SHC2: variants seen among roughly 807,000 people sequenced by gnomAD.
The protein encoded by SHC2 is SHC adaptor protein 2, also known as SHC-transforming protein 2.
A neutral mutation model predicts 60.6 loss-of-function variants in SHC2; 62 were observed. The observed-to-expected ratio is 1.02, with a 90% CI of 0.83 to 1.26. SHC2 has a LOEUF of 1.26. Ranked by LOEUF, SHC2 falls within the 50% of genes most tolerant of loss-of-function variation. The probability of loss-of-function intolerance (pLI) is 0.00; values close to 1 mark genes in which losing one functional copy is unlikely to be tolerated. For synonymous variants in SHC2, 375 were observed against 372.4 expected, an observed-to-expected ratio of 1.01 and a Z score of -0.08; for missense variants, 873 against 822.2, an observed-to-expected ratio of 1.06 and a Z score of -0.76.
intron 1 of SHC2, among the ~76,000 whole-genome samples, chr19:442,120 A>G (rs1378048942): frequency 6.6e-6 from 1 of 152,226 alleles, no homozygotes; most frequent in African/African-American, 2.4e-5. Context: ...GCACTTAAGC[A>G]GGGCATGGAC....
intron 8 of SHC2, 80 bp from the exon 9 acceptor site, chr19:430,827 G>A (rs1974568231): frequency 2.2e-6 from 3 of 1,349,788 alleles, no homozygotes; most frequent in Admixed American, 3.8e-5. Context: ...TCCCCGCCCG[G>A]CCCTCTTAGA....
chr19:460,521 G>T lies in SHC2; in HGVS notation c.468+8C>A. The T allele has an allele frequency of 8.3e-7, 1 of 1,205,018 alleles. No individual in the cohort carries two copies. Among genetic ancestry groups the T allele is most frequent in the African/African-American group, 1.7e-5 (1 of 60,274 alleles). 74.6% of individuals were successfully genotyped at this position (1,205,018 alleles called of 1,614,324 possible). ...AACGGGCTCCCGGGGGGGGTGGGGG[G>T]GACTCACCCGCACGACGTAGGAGAC... On this transcript the variant is annotated splice_region_variant and intron_variant, in intron 1 of 12. Coordinates refer to ENST00000264554, the MANE Select transcript of SHC2 (RefSeq NM_012435.3).
Position 436,449 on chromosome 19 carries a change from C to T in SHC2, c.775-18G>A. 3 of 1,602,066 alleles carry T rather than the reference C, an allele frequency of 1.9e-6. No homozygotes were observed. The highest frequency in any genetic ancestry group is 1.7e-5 in the Admixed American group (1 of 57,582). On this transcript the variant is annotated intron_variant, in intron 5 of 12. Coordinates refer to ENST00000264554, the MANE Select transcript of SHC2 (RefSeq NM_012435.3). ...GTCATGTCCTGGGGGCGGGGAGGGG[C>T]CAGCTGGACCTGCCTGGGCCCCCCA...
intron 1 of SHC2, among the ~76,000 whole-genome samples, chr19:443,890 GTGGGTGGATGGATGGA>G (rs1974982035): frequency 7.8e-6 from 1 of 128,690 alleles, no homozygotes; most frequent in Non-Finnish European, 1.6e-5. Context: ...AGGTGGATGG[GTGGGTGGATGGATGGA>G]TGGGTGGGTG....
rs375447695 is a variant in SHC2, at chr19:438,813, C to G, written c.625G>C (p.Val209Leu). The change falls in exon 4 of 13, where the codon GTC (valine) becomes CTC (leucine). Residue 209 changes from valine to leucine, a missense_variant. Val to Leu is a conservative substitution (Grantham distance 32). Coordinates refer to ENST00000264554, the MANE Select transcript of SHC2 (RefSeq NM_012435.3). This position sits in a 1 kb window ranked among gnomAD's most constrained non-coding sequence, Gnocchi z 5.0. ...AAGCGAAGGTTGCTCTTGCCCAGGA[C>G]GGACGCCAGGGCCTTGTTGGGGGCC... is the stretch of plus-strand genomic sequence containing the variant. ...KKAPNKALAS[V>L]LGKSNLRFAG... 10 of 1,572,204 alleles carry G rather than the reference C, an allele frequency of 6.4e-6. No individual in the cohort carries two copies. Among genetic ancestry groups the G allele is most frequent in the East Asian group, 2.4e-5 (1 of 42,420 alleles).
chr19:423,192 G>C (rs555068186), intron 10 of SHC2, among the ~76,000 whole-genome samples: 2,354 of 47,560 alleles, frequency 0.049, 94 homozygotes, highest in African/African-American at 0.27. Context: ...GGGTCCTCCC[G>C]CCCTGACCCT....
chr19:422,537 T>A lies in SHC2; in HGVS notation c.1310-81A>T, dbSNP rs564117328. On this transcript the variant is annotated intron_variant, in intron 10 of 12. Transcript: ENST00000264554. This position sits in a 1 kb window ranked among gnomAD's most constrained non-coding sequence, Gnocchi z 5.0. ...CGGGACCAGAGCTGGGAGAAACGGG[T>A]TCCCCGGGGAGTCCCTCGTGCACCC... 1.6e-6 allele frequency: 2 copies of A among 1,217,148 alleles called. No homozygotes were observed. The highest frequency in any genetic ancestry group is 3.2e-5 in the South Asian group (2 of 63,240). The allele number at this position is 1,217,148 out of a possible 1,614,324, so 75.4% of individuals were successfully genotyped here. A position where few individuals can be genotyped will look rare whatever the true frequency, so the allele number is the denominator to read the frequency against.
chr19:436,467 G>A (rs773277116), intron 5 of SHC2, 36 bp from the exon 6 acceptor site: 487 of 1,601,490 alleles, frequency 3.0e-4, no homozygotes, highest in Non-Finnish European at 3.7e-4. Context: ...ACCTGCCTGG[G>A]CCCCCCACCG....
chr19:447,307 G>C (rs543274659), intron 1 of SHC2, among the ~76,000 whole-genome samples: 43 of 152,244 alleles, frequency 2.8e-4, no homozygotes, highest in African/African-American at 9.6e-4. Flanking sequence ...GGATGGGGAG[G>C]GGGTGGAGGG....
rs1323242641 is a variant in SHC2, at chr19:438,884, G to C, written c.601-47C>G. On this transcript the variant is annotated intron_variant, in intron 3 of 12. Coordinates refer to ENST00000264554, the MANE Select transcript of SHC2 (RefSeq NM_012435.3). The surrounding 1 kb of genome is among the most constrained non-coding windows in gnomAD (Gnocchi z 5.0). ...GCGAGGGCGGCTGTGGGTGGGGGCT[G>C]TCGAGGGGCTCCCAGGATGGCCGCA... 5.8e-6 allele frequency: 9 copies of C among 1,552,438 alleles called. No homozygotes were observed. The highest frequency in any genetic ancestry group is 7.8e-6 in the Non-Finnish European group (9 of 1,147,290).
rs1311163301 is a variant in SHC2, at chr19:453,825, C to T, written c.468+6704G>A. Among the ~76,000 whole-genome samples, 1 of 152,158 alleles carries T rather than the reference C, an allele frequency of 6.6e-6. No individual in the cohort carries two copies. The highest frequency in any genetic ancestry group is 2.1e-4 in the South Asian group (1 of 4,824). ...GGGCTCCACGCACCTGGAGCAGAGC[C>T]AGACACGCACAGGAAACTCTCCCTG... On this transcript the variant is annotated intron_variant, in intron 1 of 12. Coordinates refer to ENST00000264554, the MANE Select transcript of SHC2 (RefSeq NM_012435.3). This position sits in a 1 kb window ranked among gnomAD's most constrained non-coding sequence, Gnocchi z 6.3.
rs918465073 is a variant in SHC2, at chr19:425,450, C to A, written c.1175-219G>T. 2.6e-5 allele frequency among the ~76,000 whole-genome samples: 4 copies of A among 152,204 alleles called. No individual in the cohort carries two copies. The highest frequency in any genetic ancestry group is 5.9e-5 in the Non-Finnish European group (4 of 68,038). The stretch of plus-strand genomic sequence containing the variant: ...GCCCCGTCGGGGCTCCAACCAGGGA[C>A]AAGAGTGGGGCAGCGTGCGGCTGGG... On this transcript the variant is annotated intron_variant, in intron 9 of 12. Transcript: ENST00000264554. This position sits in a 1 kb window ranked among gnomAD's most constrained non-coding sequence, Gnocchi z 4.1.
intron 1 of SHC2, among the ~76,000 whole-genome samples, chr19:455,528 G>A (rs939481292): frequency 5.9e-5 from 9 of 152,214 alleles, no homozygotes; most frequent in Non-Finnish European, 1.0e-4. Flanking sequence ...ATTATCCGGC[G>A]TCCAACTTCT....
At chr19:434,472 GATCGTGAGTCTGTGAGTGAGTGAA>G (rs1974663634) in intron 8 of SHC2, among the ~76,000 whole-genome samples, 1 of 87,326 alleles carries the variant, frequency 1.1e-5, no homozygotes. Context: ...AAGTGAGTGA[GATCGTGAGTCTGTGAGTGAGTGAA>G]ATCATGAGTG....
rs1165354605 is a variant in SHC2, at chr19:458,518, G to A, written c.468+2011C>T. 7.0e-5 allele frequency among the ~76,000 whole-genome samples: 10 copies of A among 141,998 alleles called. 1 individual carries two copies. Among genetic ancestry groups the A allele is most frequent in the East Asian group, 4.1e-4 (2 of 4,832 alleles). 93.2% of individuals were successfully genotyped at this position (141,998 alleles called of 152,430 possible). On this transcript the variant is annotated intron_variant, in intron 1 of 12. Transcript: ENST00000264554. ...AAGCAGGTTCCGGGGAGGCGGAAGC[G>A]GGTCCTGGGGAGGCGGATTCGGGTT...
intron 1 of SHC2, among the ~76,000 whole-genome samples, chr19:443,838 A>G: frequency 8.0e-6 from 1 of 125,656 alleles, no homozygotes; most frequent in African/African-American, 3.0e-5. Flanking sequence ...GGATGAGTGC[A>G]TGGGTGGATG....
In SHC2 at chr19:440,263, A is replaced by T. The variant is rs1413367723; in HGVS notation, c.539+599T>A. ...TGGGGACGGGGTGTTTTGATGGGGT[A>T]ATGAGAATGTTCGGAACTAGACAGT... On this transcript the variant is annotated intron_variant, in intron 2 of 12. Transcript: ENST00000264554. This position sits in a 1 kb window ranked among gnomAD's most constrained non-coding sequence, Gnocchi z 7.0. Among the ~76,000 whole-genome samples the T allele has an allele frequency of 6.6e-6, 1 of 151,896 alleles. No homozygotes were observed. Among genetic ancestry groups the T allele is most frequent in the Non-Finnish European group, 1.5e-5 (1 of 67,970 alleles).
At chr19:440,000 T>C (rs1974822544) in intron 2 of SHC2, among the ~76,000 whole-genome samples, 2 of 127,514 alleles carry the variant, frequency 1.6e-5, no homozygotes, top group African/African-American at 3.3e-5. Flanking sequence ...CACTCCAGCC[T>C]GGGCAACAGA....
At chr19:454,257 C>T (rs971401327) in intron 1 of SHC2, among the ~76,000 whole-genome samples, 1 of 152,202 alleles carries the variant, frequency 6.6e-6, no homozygotes, top group Non-Finnish European at 1.5e-5. Context: ...CAGACACGGA[C>T]GGTTCTGCTG....
Sources: gnomAD v4.1 joint callset for allele counts (sites outside exome capture counted in the v4.1 genomes callset) on GRCh38, gnomAD v4.1.1 for gene constraint, Gnocchi (gnomAD v3.1) non-coding constraint, MANE v1.5 for transcripts, NCBI Gene and HGNC (gene_info 2026-07-23, HGNC 2026-07-21) for gene names.